The following LGSN variants were observed in gnomAD, a reference collection of about 807,000 sequenced individuals.
LGSN encodes lengsin, lens protein with glutamine synthetase domain.
In LGSN, 21 loss-of-function variants were observed where a neutral mutation model predicts 19.5. That is an observed-to-expected ratio of 1.07 (90% CI 0.76 to 1.55). LGSN has a LOEUF of 1.55. Ranked by LOEUF, LGSN falls within the 40% of genes most tolerant of loss-of-function variation. The pLI is 0.00. For synonymous variants in LGSN, 257 were observed against 215.6 expected, an observed-to-expected ratio of 1.19 and a Z score of -1.68; for missense variants, 673 against 608.5, an observed-to-expected ratio of 1.11 and a Z score of -1.12.
At chr6:63,390,857 C>T in the LGSN span, among the ~76,000 whole-genome samples, 2 of 120,790 alleles carry the variant, frequency 1.7e-5, no homozygotes, top group African/African-American at 7.5e-5. Context: ...AAGACTCCAT[C>T]TCAAAAAAAA....
chr6:63,340,195 A>G, the LGSN span, among the ~76,000 whole-genome samples: 2 of 152,088 alleles, frequency 1.3e-5, no homozygotes, highest in African/African-American at 2.4e-5. Flanking sequence ...TGCAGTCCTT[A>G]GAATTCTTCT....
the LGSN span, among the ~76,000 whole-genome samples, chr6:63,519,030 A>G: frequency 2.6e-5 from 4 of 152,170 alleles, no homozygotes; most frequent in Non-Finnish European, 4.4e-5. Flanking sequence ...AATAAAGACT[A>G]CAGGCCGGGC....
At chr6:63,377,237 C>T in the LGSN span, among the ~76,000 whole-genome samples, 4 of 152,154 alleles carry the variant, frequency 2.6e-5, no homozygotes, top group Admixed American at 6.5e-5. Context: ...TAGACGCTAA[C>T]GTATCCTTTA....
the LGSN span, among the ~76,000 whole-genome samples, chr6:63,330,700 A>C: frequency 6.6e-6 from 1 of 152,134 alleles, no homozygotes; most frequent in African/African-American, 2.4e-5. Context: ...CCATGATCTG[A>C]GTCAAGGTCC....
chr6:63,513,684 G>C, the LGSN span, among the ~76,000 whole-genome samples: 1 of 152,074 alleles, frequency 6.6e-6, no homozygotes, highest in Non-Finnish European at 1.5e-5. Context: ...GCCAAGGCAG[G>C]TGGATCATCT....
the LGSN span, among the ~76,000 whole-genome samples, chr6:63,517,203 T>C: frequency 1.7e-4 from 26 of 152,194 alleles, no homozygotes; most frequent in South Asian, 5.2e-3. Context: ...AAAAATAAAA[T>C]ATATCTGGAA....
chr6:63,435,000 T>C, the LGSN span, among the ~76,000 whole-genome samples: 1 of 152,224 alleles, frequency 6.6e-6, no homozygotes. Context: ...TAGCTACATG[T>C]ATTCAGGAGC....
Position 63,278,642 on chromosome 6 carries a change from G to T in LGSN, c.*1379C>A, listed in dbSNP as rs1323504335. On this transcript the variant is annotated 3_prime_UTR_variant, in exon 4 of 4. Transcript: ENST00000370657. ...TTTTTTTTTTTTTTTGTAGAAACAG[G>T]GGTCTCACTATGTGGTCCAGGCTGG... The T allele has an allele frequency of 1.3e-5, 2 of 150,940 alleles. No individual in the cohort carries two copies. Among genetic ancestry groups the T allele is most frequent in the Non-Finnish European group, 2.9e-5 (2 of 67,838 alleles). 9.4% of individuals were successfully genotyped at this position (150,940 alleles called of 1,614,324 possible).
intron 2 of LGSN, among the ~76,000 whole-genome samples, chr6:63,294,130 T>C (rs1217358473): frequency 6.6e-6 from 1 of 151,476 alleles, no homozygotes; most frequent in African/African-American, 2.4e-5. Context: ...AGGTCAGGAG[T>C]TTGAGACCAG....
At chr6:63,284,336 G>A (rs1226471570) in intron 3 of LGSN, among the ~76,000 whole-genome samples, 2 of 152,026 alleles carry the variant, frequency 1.3e-5, no homozygotes, top group Admixed American at 6.5e-5. Context: ...AGTGTTTTTT[G>A]TATGTGGGAT....
chr6:63,541,111 G>A, the LGSN span, among the ~76,000 whole-genome samples: 1 of 152,086 alleles, frequency 6.6e-6, no homozygotes, highest in African/African-American at 2.4e-5. Context: ...AAACTAAGGA[G>A]TATAATTAAC....
In LGSN at chr6:63,280,916, A is replaced by G. The variant is rs550011806; in HGVS notation, c.635T>C (p.Ile212Thr). 21 of 1,614,010 alleles carry G rather than the reference A, an allele frequency of 1.3e-5. 1 individual carries two copies. The highest frequency in any genetic ancestry group is 3.3e-4 in the Middle Eastern group (2 of 6,084). The change falls in exon 4 of 4, where the codon ATT (isoleucine) becomes ACT (threonine). Residue 212 changes from isoleucine to threonine, a missense_variant. Coordinates refer to ENST00000370657, the MANE Select transcript of LGSN (RefSeq NM_016571.3). The part of the protein sequence containing the change: ...LLSAFIYDFC[I>T]FGVPEILNSK... ...ATTTAAAATTTCGGGCACACCAAAAATGCAAAAATCATAGATGAAAGCAGA... is the reference window on the plus strand; with the variant it reads ...ATTTAAAATTTCGGGCACACCAAAAGTGCAAAAATCATAGATGAAAGCAGA...
intron 1 of LGSN, among the ~76,000 whole-genome samples, chr6:63,298,557 G>T (rs1293470817): frequency 1.3e-5 from 2 of 152,010 alleles, no homozygotes; most frequent in Non-Finnish European, 2.9e-5. Context: ...CGGCTTAGTT[G>T]ATCAAGATGT....
chr6:63,549,825 G>A, the LGSN span, among the ~76,000 whole-genome samples: 8 of 152,164 alleles, frequency 5.3e-5, no homozygotes, highest in East Asian at 1.5e-3. Flanking sequence ...GAGGGAAGAG[G>A]AAAATAGGGA....
the LGSN span, among the ~76,000 whole-genome samples, chr6:63,403,813 T>A: frequency 1.3e-5 from 2 of 152,210 alleles, no homozygotes; most frequent in Non-Finnish European, 2.9e-5. Flanking sequence ...TGTTCGTGAC[T>A]TTGTATAATC....
chr6:63,450,239 G>A, the LGSN span, among the ~76,000 whole-genome samples: 1 of 150,504 alleles, frequency 6.6e-6, no homozygotes, highest in Non-Finnish European at 1.5e-5. Context: ...GTGAGCACCT[G>A]TAATCCCAGC....
the LGSN span, among the ~76,000 whole-genome samples, chr6:63,336,543 G>GTATATATATATA: frequency 1.3e-4 from 18 of 140,568 alleles, 1 homozygote; most frequent in African/African-American, 5.2e-4. Flanking sequence ...GTGTGTGTGT[G>GTATATATATATA]TGTGTGTGTG....
the LGSN span, among the ~76,000 whole-genome samples, chr6:63,455,967 C>G: frequency 6.6e-6 from 1 of 151,434 alleles, no homozygotes; most frequent in Non-Finnish European, 1.5e-5. Flanking sequence ...CAGTGGCTCA[C>G]GCCTGTAATC....
At chr6:63,324,862 C>T (rs1455554900), upstream of LGSN, among the ~76,000 whole-genome samples, 4 of 150,746 alleles carry the variant, frequency 2.7e-5, no homozygotes, top group Non-Finnish European at 4.4e-5. Flanking sequence ...AATCCCAGCA[C>T]TCTGGGAGGC....
Sources: gnomAD v4.1 joint callset for allele counts (sites outside exome capture counted in the v4.1 genomes callset) on GRCh38, gnomAD v4.1.1 for gene constraint, MANE v1.5 for transcripts, NCBI Gene and HGNC (gene_info 2026-07-23, HGNC 2026-07-21) for gene names.